DHX9: variants seen among roughly 807,000 people sequenced by gnomAD.
The protein encoded by DHX9 is DExH-box helicase 9.
DHX9 carries 27 observed loss-of-function variants against 148.7 expected under a neutral mutation model. The ratio of observed to expected loss-of-function variants is 0.18; its 90% CI spans 0.13 to 0.25. The LOEUF is 0.25. Among genes scored for constraint, DHX9 ranks in the 10% least tolerant of loss-of-function variants. The probability of loss-of-function intolerance (pLI) is 1.00; values close to 1 mark genes in which losing one functional copy is unlikely to be tolerated. For missense variants in DHX9, 796 were observed against 1,559.6 expected (o/e 0.51, Z 8.25); for synonymous variants, 529 against 516.6 (o/e 1.02, Z -0.33).
At position 182,843,282 on chromosome 1, in the gene DHX9, T is replaced by G; in HGVS notation, c.112-12T>G. On this transcript the variant is annotated splice_polypyrimidine_tract_variant and intron_variant, in intron 2 of 27. Transcript: ENST00000367549. ...CAGGTCAGTCTCTTAGTACTTTTTT[T>G]TTTTTTTAAAGGTTCAGGTGGAAGG... 1 of 1,554,244 alleles carries G rather than the reference T, an allele frequency of 6.4e-7. No individual in the cohort carries two copies. Among genetic ancestry groups the G allele is most frequent in the South Asian group, 1.2e-5 (1 of 80,660 alleles).
intron 12 of DHX9, among the ~76,000 whole-genome samples, chr1:182,861,565 T>G (rs1571308173): frequency 6.6e-6 from 1 of 152,328 alleles, no homozygotes; most frequent in Non-Finnish European, 1.5e-5. Flanking sequence ...CAAAAGCAGT[T>G]GTGGCATATA....
At chr1:182,879,485 C>T (rs568286337) in intron 21 of DHX9, 75 bp downstream of exon 21, 2 of 1,288,556 alleles carry the variant, frequency 1.6e-6, no homozygotes, top group African/African-American at 1.5e-5. Flanking sequence ...ATAACACTTA[C>T]AAATGAATCA....
chr1:182,886,987 T>A, intron 27 of DHX9, 96 bp from the exon 28 acceptor site: 1 of 1,179,454 alleles, frequency 8.5e-7, no homozygotes. Flanking sequence ...ATTCCCTTTA[T>A]TAAATTTTCA....
chr1:182,850,343 C>T (rs769202536), intron 3 of DHX9, among the ~76,000 whole-genome samples: 2 of 151,990 alleles, frequency 1.3e-5, no homozygotes, highest in Non-Finnish European at 2.9e-5. Context: ...ACCTGTAATA[C>T]CAACACTTCG....
At chr1:182,839,673 C>T (rs1036318062) in intron 1 of DHX9, 2 of 152,292 alleles carry the variant, frequency 1.3e-5, no homozygotes, top group Non-Finnish European at 2.9e-5. Context: ...GTGGCCCCCT[C>T]CCCTCTCCTC....
At chr1:182,847,081 G>A (rs1234733760) in intron 3 of DHX9, among the ~76,000 whole-genome samples, 1 of 151,764 alleles carries the variant, frequency 6.6e-6, no homozygotes, top group African/African-American at 2.4e-5. Context: ...TTCTCTGGTG[G>A]CATTTCTTTT....
intron 3 of DHX9, 53 bp from the exon 4 acceptor site, chr1:182,852,180 A>G (rs1011813226): frequency 9.7e-6 from 11 of 1,137,936 alleles, no homozygotes; most frequent in Admixed American, 4.4e-5. Flanking sequence ...AGAATTTACT[A>G]GTCCCCGTGA....
chr1:182,876,405 G>A (rs1648761756), intron 17 of DHX9, 42 bp from the exon 18 acceptor site: 1 of 1,587,072 alleles, frequency 6.3e-7, no homozygotes, highest in Middle Eastern at 1.7e-4. Context: ...TTTGAAACCA[G>A]CTCCTGTTTT....
At chr1:182,856,660 C>A (rs1668256269) in intron 7 of DHX9, 82 bp downstream of exon 7, 3 of 1,204,280 alleles carry the variant, frequency 2.5e-6, no homozygotes, top group African/African-American at 1.5e-5. Context: ...GTCACGTATA[C>A]AGAAGCTGTA....
In DHX9 at chr1:182,887,454, CTG is replaced by C; in HGVS notation, c.*26_*27del. ...TATTAAAACTTGGTTATGTCAGTTCCTGTGTGTAGACAGTAAGGAAAAAAAGG... is the reference window on the plus strand; with the variant it reads ...TATTAAAACTTGGTTATGTCAGTTCCTGTGTAGACAGTAAGGAAAAAAAGG... On this transcript the variant is annotated 3_prime_UTR_variant, in exon 28 of 28. Transcript: ENST00000367549. 1 of 1,603,438 alleles carries C rather than the reference CTG, an allele frequency of 6.2e-7. No homozygotes were observed. The highest frequency in any genetic ancestry group is 8.5e-7 in the Non-Finnish European group (1 of 1,173,002).
chr1:182,854,765 T>C (rs1668224711), intron 6 of DHX9, among the ~76,000 whole-genome samples: 1 of 152,092 alleles, frequency 6.6e-6, no homozygotes, highest in East Asian at 1.9e-4. Context: ...TAAAACAATA[T>C]AAAGGGAGGT....
intron 7 of DHX9, among the ~76,000 whole-genome samples, chr1:182,856,972 C>G (rs923605720): frequency 6.6e-6 from 1 of 152,146 alleles, no homozygotes; most frequent in African/African-American, 2.4e-5. Flanking sequence ...GCCTCAGCCT[C>G]CCCAGTAGCT....
At chr1:182,874,352 T>C (rs1340769159) in intron 15 of DHX9, among the ~76,000 whole-genome samples, 3 of 151,914 alleles carry the variant, frequency 2.0e-5, no homozygotes, top group Non-Finnish European at 4.4e-5. Flanking sequence ...ACTTTGGGAG[T>C]TTTTGGATAT....
chr1:182,842,546 T>G lies in DHX9; in HGVS notation c.-21T>G, dbSNP rs758377489. ...TTTAACTGACTTTTGTTTTCTTAGA[T>G]CTGAAGAAGACACTTGAATCATGGG... On this transcript the variant is annotated splice_region_variant and 5_prime_UTR_variant, in exon 2 of 28. Transcript: ENST00000367549. 6.3e-7 allele frequency: 1 copy of G among 1,581,332 alleles called. No homozygotes were observed. The highest frequency in any genetic ancestry group is 8.7e-7 in the Non-Finnish European group (1 of 1,155,860).
chr1:182,866,804 ATATTT>A (rs1364488436), intron 13 of DHX9, among the ~76,000 whole-genome samples, 152 bp from the exon 14 acceptor site: 1 of 152,222 alleles, frequency 6.6e-6, no homozygotes, highest in Non-Finnish European at 1.5e-5. Flanking sequence ...GAAAAAAACT[ATATTT>A]CATAGTACAC....
At chr1:182,855,710 G>T in intron 6 of DHX9, 1 of 985,432 alleles carries the variant, frequency 1.0e-6, no homozygotes, top group African/African-American at 1.7e-5. Context: ...CGCTGTGCCT[G>T]AAGGTCAGTT....
chr1:182,869,796 A>G (rs548806042), intron 14 of DHX9, among the ~76,000 whole-genome samples: 3 of 152,176 alleles, frequency 2.0e-5, no homozygotes, highest in African/African-American at 7.2e-5. Flanking sequence ...ACAGGGTTTC[A>G]CCATGTTGGC....
In DHX9 at chr1:182,839,474, C is replaced by T. The variant is rs557879463; in HGVS notation, c.-23+18C>T. On this transcript the variant is annotated intron_variant, in intron 1 of 27. Transcript: ENST00000367549. Reference sequence around the variant, plus strand: ...GAAGGCTGGTAAGGGAGAGACGTTCCGGCTACCATGCGGGGCGGCGGGGTC... The same window carrying T: ...GAAGGCTGGTAAGGGAGAGACGTTCTGGCTACCATGCGGGGCGGCGGGGTC... 176 of 153,534 alleles carry T rather than the reference C, an allele frequency of 1.1e-3. 6 individuals carry two copies. In the South Asian group the frequency reaches 0.031, roughly 27 times the overall value. 9.5% of individuals were successfully genotyped at this position (153,534 alleles called of 1,614,324 possible).
chr1:182,853,301 A>G lies in DHX9; in HGVS notation c.365-5A>G. 1.3e-6 allele frequency: 2 copies of G among 1,596,528 alleles called. No homozygotes were observed. Among genetic ancestry groups the G allele is most frequent in the Non-Finnish European group, 1.7e-6 (2 of 1,172,164 alleles). On this transcript the variant is annotated splice_polypyrimidine_tract_variant and splice_region_variant and intron_variant, in intron 4 of 27. Transcript: ENST00000367549. ...TCATTAAGAGAATTTTTTTTCTTTT[A>G]ACAGAAAATAATTCTGAGGTAGGGG...
Sources: gnomAD v4.1 joint callset for allele counts (sites outside exome capture counted in the v4.1 genomes callset) on GRCh38, gnomAD v4.1.1 for gene constraint, MANE v1.5 for transcripts, NCBI Gene and HGNC (gene_info 2026-07-23, HGNC 2026-07-21) for gene names.